Variants in SAMD12 observed in about 807,000 individuals in gnomAD.
SAMD12 encodes the protein sterile alpha motif domain containing 12, also known as sterile alpha motif domain-containing protein 12.
SAMD12 carries 9 observed loss-of-function variants against 15.0 expected under a neutral mutation model. That is an observed-to-expected ratio of 0.60 (90% CI 0.36 to 1.05). The LOEUF (loss-of-function observed/expected upper bound fraction) is 1.05. Among genes scored for constraint, SAMD12 ranks in the 50% least tolerant of loss-of-function variants. The pLI is 0.01. For missense variants in SAMD12, 230 were observed against 234.2 expected (o/e 0.98, Z 0.12); for synonymous variants, 86 against 90.1 (o/e 0.96, Z 0.25).
chr8:118,452,803 A>G (rs879087345), intron 2 of SAMD12, among the ~76,000 whole-genome samples: 1 of 152,218 alleles, frequency 6.6e-6, no homozygotes, highest in Admixed American at 6.5e-5. Flanking sequence ...TCTTGTTTTC[A>G]AAGTATAACC....
chr8:118,192,577 A>G (rs1819435623), exon 5 of SAMD12: 1 of 152,168 alleles, frequency 6.6e-6, no homozygotes, highest in African/African-American at 2.4e-5. Context: ...GCTTCTCAAA[A>G]TATCTGAGGT....
intron 2 of SAMD12, among the ~76,000 whole-genome samples, chr8:118,570,850 G>A (rs1826991334): frequency 6.6e-6 from 1 of 152,152 alleles, no homozygotes; most frequent in Non-Finnish European, 1.5e-5. Flanking sequence ...TTCCCATGCT[G>A]TTCTTGTGAC....
chr8:118,500,174 G>A (rs1586766748), intron 2 of SAMD12, among the ~76,000 whole-genome samples: 2 of 140,464 alleles, frequency 1.4e-5, no homozygotes, highest in East Asian at 4.7e-4. Context: ...TGCCTCCCGG[G>A]TTCAAGTGAT....
At chr8:118,171,075 C>T in the SAMD12 span, among the ~76,000 whole-genome samples, 1 of 152,168 alleles carries the variant, frequency 6.6e-6, no homozygotes, top group Admixed American at 6.5e-5. Context: ...TATAAAAATG[C>T]TCAGCATTGT....
At chr8:118,455,268 C>CCTCTCTCT (rs57371997) in intron 2 of SAMD12, among the ~76,000 whole-genome samples, 31,485 of 148,368 alleles carry the variant, frequency 0.21, 3,568 homozygotes, top group South Asian at 0.33. Context: ...GGCTTTCACA[C>CCTCTCTCT]CTCTCTCTCT....
At chr8:118,172,221 T>C in the SAMD12 span, among the ~76,000 whole-genome samples, 3 of 152,232 alleles carry the variant, frequency 2.0e-5, no homozygotes, top group South Asian at 6.2e-4. Context: ...AACCTGCACA[T>C]TGTGCACATG....
At chr8:118,585,707 A>G (rs1196090024) in intron 1 of SAMD12, among the ~76,000 whole-genome samples, 1 of 152,254 alleles carries the variant, frequency 6.6e-6, no homozygotes, top group African/African-American at 2.4e-5. Context: ...TCTCCAAAAC[A>G]GGTCTTGTCC....
intron 2 of SAMD12, among the ~76,000 whole-genome samples, chr8:118,559,704 CTTCT>C (rs998180264): frequency 2.0e-5 from 3 of 152,132 alleles, no homozygotes; most frequent in Non-Finnish European, 4.4e-5. Context: ...CTCCTCTTCT[CTTCT>C]TTGTGTAGAA....
chr8:118,316,542 AAAC>A (rs1419436618), intron 4 of SAMD12, among the ~76,000 whole-genome samples: 1 of 149,112 alleles, frequency 6.7e-6, no homozygotes, highest in African/African-American at 2.4e-5. Context: ...CAAAACAAAC[AAAC>A]AAAAATTTGG....
intron 2 of SAMD12, among the ~76,000 whole-genome samples, chr8:118,549,022 A>G (rs970641970): frequency 4.6e-5 from 7 of 152,378 alleles, no homozygotes; most frequent in Middle Eastern, 3.4e-3. Flanking sequence ...CGAAGCAGCC[A>G]GGAAGCTGGA....
chr8:118,431,679 A>C (rs1241698973), intron 3 of SAMD12, among the ~76,000 whole-genome samples: 1 of 139,004 alleles, frequency 7.2e-6, no homozygotes. Flanking sequence ...TCAAAATTTT[A>C]CCTTTGTCGT....
the SAMD12 span, among the ~76,000 whole-genome samples, chr8:118,174,785 C>T: frequency 1.3e-5 from 2 of 152,060 alleles, no homozygotes; most frequent in African/African-American, 4.8e-5. Flanking sequence ...TTTCTCATCA[C>T]CCAAATCCAT....
chr8:118,445,720 T>G (rs1046328471), intron 2 of SAMD12, among the ~76,000 whole-genome samples: 1 of 152,224 alleles, frequency 6.6e-6, no homozygotes. Context: ...CTTTAACCAC[T>G]GCTTTAATAT....
chr8:118,592,920 G>T (rs181223162), intron 1 of SAMD12, among the ~76,000 whole-genome samples: 1 of 152,282 alleles, frequency 6.6e-6, no homozygotes, highest in Non-Finnish European at 1.5e-5. Flanking sequence ...TCAAACCACA[G>T]AAATATGTAA....
chr8:118,459,642 T>C (rs1227181891), intron 2 of SAMD12, among the ~76,000 whole-genome samples: 1 of 152,178 alleles, frequency 6.6e-6, no homozygotes, highest in Non-Finnish European at 1.5e-5. Context: ...GCAAAGACTT[T>C]TGAATTTGTT....
chr8:118,254,877 A>T (rs1254859102), intron 4 of SAMD12, among the ~76,000 whole-genome samples: 1 of 151,658 alleles, frequency 6.6e-6, no homozygotes, highest in Non-Finnish European at 1.5e-5. Flanking sequence ...CATTCCCTAA[A>T]ACCAATGCCT....
At chr8:118,250,661 A>T (rs1812799514) in intron 4 of SAMD12, among the ~76,000 whole-genome samples, 1 of 151,740 alleles carries the variant, frequency 6.6e-6, no homozygotes, top group African/African-American at 2.4e-5. Flanking sequence ...GTCTGGCTAA[A>T]TTTTTTATTT....
At chr8:118,254,856 A>T (rs1348177255) in intron 4 of SAMD12, among the ~76,000 whole-genome samples, 1 of 151,650 alleles carries the variant, frequency 6.6e-6, no homozygotes, top group Non-Finnish European at 1.5e-5. Context: ...TCACCTCTCT[A>T]CTTGCTCACC....
intron 4 of SAMD12, among the ~76,000 whole-genome samples, chr8:118,320,537 A>G (rs951448325): frequency 8.5e-5 from 13 of 152,088 alleles, no homozygotes; most frequent in Non-Finnish European, 5.9e-5. Context: ...AACTCGTTAT[A>G]TTGAAAAATC....
Sources: gnomAD v4.1 joint callset for allele counts (sites outside exome capture counted in the v4.1 genomes callset) on GRCh38, gnomAD v4.1.1 for gene constraint, MANE v1.5 for transcripts, NCBI Gene and HGNC (gene_info 2026-07-23, HGNC 2026-07-21) for gene names.